FMNL3: variants seen among roughly 807,000 people sequenced by gnomAD.
FMNL3 encodes the protein formin-like protein 3.
In FMNL3, 57 loss-of-function variants were observed where a neutral mutation model predicts 119.6. The observed-to-expected ratio is 0.48, with a 90% confidence interval of 0.39 to 0.59. The LOEUF is 0.59. Ranked by LOEUF, FMNL3 falls within the 20% of genes least tolerant of loss-of-function variation. The pLI is 0.00. For synonymous variants in FMNL3, 491 were observed against 507.3 expected (o/e 0.97, Z 0.43); for missense variants, 1,053 against 1,323.5 (o/e 0.80, Z 3.17).
intron 1 of FMNL3, among the ~76,000 whole-genome samples, chr12:49,705,629 G>A (rs1255311147): frequency 6.6e-6 from 1 of 152,176 alleles, no homozygotes; most frequent in East Asian, 1.9e-4. Context: ...CTAAGTCCCA[G>A]TCTCTCCTCC....
intron 1 of FMNL3, among the ~76,000 whole-genome samples, chr12:49,698,617 G>A (rs149908521): frequency 5.9e-4 from 90 of 152,040 alleles, no homozygotes; most frequent in African/African-American, 1.7e-3. Flanking sequence ...GACAGAAAGC[G>A]TAAGAGAACC....
intron 5 of FMNL3, chr12:49,659,932 G>A: frequency 1.0e-6 from 1 of 985,414 alleles, no homozygotes. Flanking sequence ...TCAGACATGG[G>A]GTCAAAGGCA....
intron 4 of FMNL3, 116 bp downstream of exon 4, chr12:49,665,716 C>G (rs1943871121): frequency 1.8e-6 from 2 of 1,116,444 alleles, no homozygotes; most frequent in East Asian, 2.4e-5. Flanking sequence ...AGGGGCAACT[C>G]TGCCCCATGG....
In FMNL3 at chr12:49,707,057, G is replaced by A. The variant is rs759526854; in HGVS notation, c.124C>T (p.Leu42=). The change falls in exon 1 of 26, where the codon CTG becomes TTG. Residue 42 remains leucine, a splice_region_variant and synonymous_variant. Transcript: ENST00000335154. ...AAGGGGCTGGGCTCAGCTCTCACCA[G>A]CACCAGGGCGAACCTTTCCTCCAGC... ...CELEERFALV[L]SSMNLPPDKA... The A allele has an allele frequency of 1.3e-6, 2 of 1,580,638 alleles. No individual in the cohort carries two copies. Among genetic ancestry groups the A allele is most frequent in the Admixed American group, 1.9e-5 (1 of 53,318 alleles).
chr12:49,679,218 C>T (rs765840026), intron 1 of FMNL3, among the ~76,000 whole-genome samples: 1 of 152,146 alleles, frequency 6.6e-6, no homozygotes, highest in Non-Finnish European at 1.5e-5. Flanking sequence ...GAACTTGCCC[C>T]GCATCACAAA....
chr12:49,687,443 C>T (rs956847344), intron 1 of FMNL3, among the ~76,000 whole-genome samples: 2 of 152,040 alleles, frequency 1.3e-5, no homozygotes, highest in Admixed American at 6.6e-5. Flanking sequence ...ACTCAACCTC[C>T]GAAAGTCAGG....
intron 1 of FMNL3, among the ~76,000 whole-genome samples, chr12:49,684,170 A>C (rs937564829): frequency 9.9e-5 from 15 of 152,192 alleles, no homozygotes; most frequent in African/African-American, 3.6e-4. Flanking sequence ...ACACAATTCT[A>C]AGCACTTGCT....
In FMNL3 at chr12:49,653,606, C is replaced by A. The variant is rs534553769; in HGVS notation, c.1221+119G>T. On this transcript the variant is annotated intron_variant, in intron 12 of 25. Coordinates refer to ENST00000335154, the MANE Select transcript of FMNL3 (RefSeq NM_175736.5). ...AGGCCTGAGTATGCTCTTGAGAGCC[C>A]TGGTGGGTTCTAAAGCCTCCCTGGG... The A allele has an allele frequency of 2.8e-6, 4 of 1,426,608 alleles. No homozygotes were observed. In the East Asian group the frequency reaches 6.8e-5, roughly 24 times the overall value. 88.4% of individuals were successfully genotyped at this position (1,426,608 alleles called of 1,614,324 possible). A position where few individuals can be genotyped will look rare whatever the true frequency, so the allele number is the denominator to read the frequency against.
rs763219088 is a variant in FMNL3 at position 49,637,613 on chromosome 12, GC to G, written c.*8201del. The G allele has an allele frequency of 2.5e-6, 4 of 1,603,024 alleles. No homozygotes were observed. Among genetic ancestry groups the G allele is most frequent in the South Asian group, 1.1e-5 (1 of 90,822 alleles). On this transcript the variant is annotated 3_prime_UTR_variant, in exon 26 of 26. Transcript: ENST00000335154. ...AGGCAGCCAGGCTCCCCCTTCTCTG[GC>G]CTGGCTTCCTGCCCTGCCAGCCTCT...
rs373534691 is a variant in FMNL3, at chr12:49,647,387, G to C, written c.2779-19C>G. The C allele has an allele frequency of 2.5e-6, 4 of 1,607,760 alleles. No homozygotes were observed. Among genetic ancestry groups the C allele is most frequent in the South Asian group, 1.1e-5 (1 of 91,054 alleles). On this transcript the variant is annotated intron_variant, in intron 23 of 25. Coordinates refer to ENST00000335154, the MANE Select transcript of FMNL3 (RefSeq NM_175736.5). This position sits in a 1 kb window ranked among gnomAD's most constrained non-coding sequence, Gnocchi z 4.9. ...CTGCTTCCTAAGAGCCATGGAAGAT[G>C]GGGGGTGGGGAGTGAGGCTCATAGG...
At position 49,646,928 on chromosome 12, in the gene FMNL3, C is replaced by G; in HGVS notation, c.2953G>C (p.Val985Leu). ...ATGGTACCATCCTTCCCCTCATAAA[C>G]AGGCCGGTGTTCCTTGGCCTGGCGC... ...RRRQAKEHRPVYEGKDGTIED... is the reference protein window; with the variant it reads ...RRRQAKEHRPLYEGKDGTIED... The change falls in exon 25 of 26, where the codon GTT becomes CTT. Residue 985 changes from valine to leucine, a missense_variant. Val to Leu is a conservative substitution (Grantham distance 32). Transcript: ENST00000335154. The G allele has an allele frequency of 1.2e-6, 2 of 1,614,086 alleles. No individual in the cohort carries two copies. Among genetic ancestry groups the G allele is most frequent in the Non-Finnish European group, 1.7e-6 (2 of 1,179,974 alleles).
At chr12:49,662,503 A>G (rs1943764361) in intron 4 of FMNL3, among the ~76,000 whole-genome samples, 1 of 152,206 alleles carries the variant, frequency 6.6e-6, no homozygotes, top group African/African-American at 2.4e-5. Context: ...CCCAGCAGGA[A>G]GGGTCAAGGA....
intron 21 of FMNL3, among the ~76,000 whole-genome samples, chr12:49,648,747 G>A (rs1393340457): frequency 6.6e-6 from 1 of 152,250 alleles, no homozygotes; most frequent in African/African-American, 2.4e-5. Flanking sequence ...TCTGGGGCCA[G>A]CTTGAGGGAG....
Position 49,637,058 on chromosome 12 carries a change from GCAC to G in FMNL3, c.*8754_*8756del, listed in dbSNP as rs1941920986. On this transcript the variant is annotated 3_prime_UTR_variant, in exon 26 of 26. Transcript: ENST00000335154. ...GCTCTTCTAGGGAGACTAGATGTAT[GCAC>G]CACCCAGAAACTGCCAGTAGAGAGC... The G allele has an allele frequency of 2.7e-6, 2 of 732,636 alleles. No individual in the cohort carries two copies. The highest frequency in any genetic ancestry group is 4.4e-6 in the Non-Finnish European group (2 of 458,890). The allele number at this position is 732,636 out of a possible 1,614,324, so 45.4% of individuals were successfully genotyped here.
chr12:49,647,611 A>G lies in FMNL3; in HGVS notation c.2778+92T>C. 1 of 1,157,656 alleles carries G rather than the reference A, an allele frequency of 8.6e-7. No homozygotes were observed. 71.7% of individuals were successfully genotyped at this position (1,157,656 alleles called of 1,614,324 possible). ...CTCCCTTCCCAGGACTCGGAGGAGG[A>G]GTCGGAAAAGGCCCATACTTTAAGC... is the stretch of plus-strand genomic sequence containing the variant. On this transcript the variant is annotated intron_variant, in intron 23 of 25. Transcript: ENST00000335154. This position sits in a 1 kb window ranked among gnomAD's most constrained non-coding sequence, Gnocchi z 4.9.
At position 49,706,148 on chromosome 12, in the gene FMNL3, A is replaced by G. The variant is rs79636319; in HGVS notation, c.126+907T>C. Among the ~76,000 whole-genome samples, 272 of 152,348 alleles carry G rather than the reference A, an allele frequency of 1.8e-3. 1 individual carries two copies. Among genetic ancestry groups the G allele is most frequent in the Admixed American group, 3.7e-3 (56 of 15,306 alleles). On this transcript the variant is annotated intron_variant, in intron 1 of 25. Transcript: ENST00000335154. ...GCAAAACTTCATTTTCAGCGCAAAC[A>G]TATTTTCTGGCTCCTTCCCGGTGAT... is the stretch of plus-strand genomic sequence containing the variant.
intron 1 of FMNL3, among the ~76,000 whole-genome samples, chr12:49,693,641 T>TTTTTTG (rs1944671794): frequency 8.4e-6 from 1 of 118,880 alleles, no homozygotes; most frequent in Admixed American, 8.0e-5. Context: ...TCTTGGTTTT[T>TTTTTTG]TTTTTTTTTT....
intron 1 of FMNL3, among the ~76,000 whole-genome samples, chr12:49,684,117 TG>T (rs1170919166): frequency 6.6e-6 from 1 of 152,188 alleles, no homozygotes; most frequent in Non-Finnish European, 1.5e-5. Context: ...ACTGAACTCC[TG>T]GGGGCAGGAT....
chr12:49,662,112 G>T, intron 4 of FMNL3, 63 bp from the exon 5 acceptor site: 1 of 1,481,508 alleles, frequency 6.7e-7, no homozygotes, highest in South Asian at 1.1e-5. Flanking sequence ...TGAGGGGGGT[G>T]ACATGCCTCT....
Sources: gnomAD v4.1 joint callset for allele counts (sites outside exome capture counted in the v4.1 genomes callset) on GRCh38, gnomAD v4.1.1 for gene constraint, Gnocchi (gnomAD v3.1) non-coding constraint, MANE v1.5 for transcripts, NCBI Gene and HGNC (gene_info 2026-07-23, HGNC 2026-07-21) for gene names.